Variants in UBE2E3 observed in about 807,000 individuals in gnomAD.
UBE2E3 encodes ubiquitin conjugating enzyme E2 E3, also known as ubiquitin-conjugating enzyme E2 E3.
In UBE2E3, 5 loss-of-function variants were observed where a neutral mutation model predicts 23.6. That is an observed-to-expected ratio of 0.21 (90% CI 0.11 to 0.44). The LOEUF is 0.44. UBE2E3 is among the 20% of genes least tolerant of loss of function. UBE2E3 has a pLI of 0.99. For missense variants in UBE2E3, 81 were observed against 249.8 expected (o/e 0.32, Z 4.55); for synonymous variants, 78 against 87.5 (o/e 0.89, Z 0.60).
intron 3 of UBE2E3, among the ~76,000 whole-genome samples, chr2:181,004,244 A>C (rs944442914): frequency 6.6e-6 from 1 of 152,200 alleles, no homozygotes; most frequent in Non-Finnish European, 1.5e-5. Flanking sequence ...CCAATGGTGC[A>C]GTGTGTAGTA....
At chr2:181,009,267 T>C (rs191185000) in intron 3 of UBE2E3, among the ~76,000 whole-genome samples, 1 of 152,252 alleles carries the variant, frequency 6.6e-6, no homozygotes, top group African/African-American at 2.4e-5. Context: ...ATAAAACAAA[T>C]AACTGAAAAT....
intron 3 of UBE2E3, among the ~76,000 whole-genome samples, chr2:180,989,331 C>T (rs1254144726): frequency 1.3e-5 from 2 of 152,066 alleles, no homozygotes; most frequent in African/African-American, 2.4e-5. Context: ...TTCCTTACTT[C>T]ACATGGTGCT....
chr2:180,989,957 T>C (rs1329380633), intron 3 of UBE2E3: 1 of 1,548,392 alleles, frequency 6.5e-7, no homozygotes, highest in South Asian at 1.2e-5. Flanking sequence ...CAGTCTCTTC[T>C]TCCCTATCAA....
chr2:181,004,623 T>TC (rs1333057557), intron 3 of UBE2E3, among the ~76,000 whole-genome samples: 1 of 151,570 alleles, frequency 6.6e-6, no homozygotes, highest in East Asian at 1.9e-4. Context: ...AGAGCGAGAC[T>TC]CCATCTCAAA....
At chr2:180,990,190 A>G in intron 3 of UBE2E3, 1 of 520,194 alleles carries the variant, frequency 1.9e-6, no homozygotes, top group Non-Finnish European at 3.4e-6. Context: ...AGGCTAGGCG[A>G]CAATTGGTAA....
intron 3 of UBE2E3, among the ~76,000 whole-genome samples, chr2:181,029,659 C>CTTTTTTTTTTTTTT (rs61149975): frequency 8.6e-6 from 1 of 116,852 alleles, no homozygotes; most frequent in Non-Finnish European, 1.7e-5. Flanking sequence ...TGTAGACAAT[C>CTTTTTTTTTTTTTT]TTTTTTTTTT....
intron 3 of UBE2E3, among the ~76,000 whole-genome samples, chr2:181,008,548 C>T (rs542834210): frequency 1.1e-4 from 16 of 152,324 alleles, no homozygotes; most frequent in African/African-American, 3.8e-4. Flanking sequence ...ATACAGCAGT[C>T]CTGACTGGGT....
chr2:181,003,133 T>C (rs1685037848), intron 3 of UBE2E3, among the ~76,000 whole-genome samples: 1 of 152,260 alleles, frequency 6.6e-6, no homozygotes, highest in Admixed American at 6.5e-5. Flanking sequence ...ACAGGAAGTA[T>C]AATATATGTG....
chr2:181,041,815 A>C (rs1686514482), intron 3 of UBE2E3, among the ~76,000 whole-genome samples: 1 of 152,210 alleles, frequency 6.6e-6, no homozygotes. Context: ...ATTGAATGAC[A>C]ACCAAACCAC....
At chr2:181,053,553 C>A (rs986433818) in intron 3 of UBE2E3, among the ~76,000 whole-genome samples, 4 of 151,644 alleles carry the variant, frequency 2.6e-5, no homozygotes, top group African/African-American at 9.7e-5. Context: ...ATAGCTTTTT[C>A]TGGGCAGTTT....
intron 3 of UBE2E3, among the ~76,000 whole-genome samples, chr2:181,039,650 AT>A (rs145175717): frequency 0.2 from 30,737 of 152,080 alleles, 3,976 homozygotes; most frequent in Non-Finnish European, 0.28. Flanking sequence ...CTATGATAAA[AT>A]TTCTAATAGT....
At chr2:180,982,355 T>C (rs1172857019) in intron 2 of UBE2E3, 119 bp downstream of exon 2, 3 of 900,660 alleles carry the variant, frequency 3.3e-6, no homozygotes, top group Non-Finnish European at 5.2e-6. Context: ...ATTATCAGTT[T>C]AATTGTACTT....
At chr2:181,024,381 C>T (rs1453206089) in intron 3 of UBE2E3, among the ~76,000 whole-genome samples, 2 of 152,030 alleles carry the variant, frequency 1.3e-5, no homozygotes, top group Non-Finnish European at 2.9e-5. Flanking sequence ...AAACAAAATC[C>T]AGAAACATTT....
At chr2:180,985,938 A>C (rs538391668) in intron 3 of UBE2E3, among the ~76,000 whole-genome samples, 1 of 143,514 alleles carries the variant, frequency 7.0e-6, no homozygotes, top group Non-Finnish European at 1.6e-5. Flanking sequence ...TACATGTTTA[A>C]CTCCGGAATG....
At chr2:181,039,137 T>A (rs1686394952) in intron 3 of UBE2E3, among the ~76,000 whole-genome samples, 1 of 149,354 alleles carries the variant, frequency 6.7e-6, no homozygotes, top group Non-Finnish European at 1.5e-5. Context: ...TTTTTTTTTT[T>A]TTTTTTTTTT....
intron 3 of UBE2E3, among the ~76,000 whole-genome samples, chr2:181,038,122 C>A (rs896456489): frequency 7.2e-5 from 11 of 152,176 alleles, no homozygotes; most frequent in African/African-American, 2.4e-4. Flanking sequence ...CTGACTCACC[C>A]AGACCAACTT....
At chr2:181,062,214 T>C (rs767914795) in intron 5 of UBE2E3, among the ~76,000 whole-genome samples, 7 of 151,782 alleles carry the variant, frequency 4.6e-5, no homozygotes, top group South Asian at 4.1e-4. Context: ...AATTCAAATA[T>C]TGTACCATAT....
intron 3 of UBE2E3, among the ~76,000 whole-genome samples, chr2:181,030,250 A>C (rs115468911): frequency 6.6e-6 from 1 of 151,942 alleles, no homozygotes; most frequent in Admixed American, 6.6e-5. Context: ...AGTAATAATC[A>C]TATGGTTTTG....
At chr2:180,982,375 G>A (rs1375755703) in intron 2 of UBE2E3, 139 bp downstream of exon 2, 10 of 793,926 alleles carry the variant, frequency 1.3e-5, no homozygotes, top group Non-Finnish European at 1.8e-5. Flanking sequence ...TGAATGAGTT[G>A]TCATTCTTTA....
Sources: allele counts gnomAD v4.1 joint callset (sites outside exome capture counted in the v4.1 genomes callset), GRCh38; gene constraint gnomAD v4.1.1; transcripts MANE v1.5; gene names NCBI Gene and HGNC (gene_info 2026-07-23, HGNC 2026-07-21).